The following DPP6 variants were observed in gnomAD, a reference collection of about 807,000 sequenced individuals.
The protein encoded by DPP6 is A-type potassium channel modulatory protein DPP6.
In DPP6, 69 loss-of-function variants were observed where a neutral mutation model predicts 122.6. The ratio of observed to expected loss-of-function variants is 0.56; its 90% CI spans 0.46 to 0.69. DPP6 has a LOEUF of 0.69. DPP6 is among the 30% of genes least tolerant of loss of function. The pLI, the probability that DPP6 is intolerant of heterozygous loss-of-function variation, is 0.00. For missense variants in DPP6, 928 were observed against 1,116.9 expected (o/e 0.83, Z 2.41); for synonymous variants, 418 against 433.1 (o/e 0.97, Z 0.43).
chr7:154,856,130 G>T (rs571171231), intron 17 of DPP6, among the ~76,000 whole-genome samples: 1 of 152,140 alleles, frequency 6.6e-6, no homozygotes, highest in South Asian at 2.1e-4. Flanking sequence ...CTAATCTGTG[G>T]TCTAATAAAA....
intron 1 of DPP6, among the ~76,000 whole-genome samples, chr7:153,945,277 A>G (rs1330514907): frequency 6.6e-6 from 1 of 152,158 alleles, no homozygotes; most frequent in East Asian, 1.9e-4. Context: ...AGACAGGTCC[A>G]TCTCCCTAGT....
intron 5 of DPP6, among the ~76,000 whole-genome samples, chr7:154,634,881 A>C (rs994448275): frequency 3.3e-5 from 5 of 152,210 alleles, no homozygotes; most frequent in Non-Finnish European, 7.3e-5. Context: ...TGTTTTGGGG[A>C]TGGCATAACC....
chr7:153,785,989 ATTTG>A, the DPP6 span, among the ~76,000 whole-genome samples: 5 of 151,590 alleles, frequency 3.3e-5, no homozygotes, highest in Non-Finnish European at 7.4e-5. Flanking sequence ...GTGTTTAAAT[ATTTG>A]TTATTTCAAA....
intron 1 of DPP6, among the ~76,000 whole-genome samples, chr7:154,134,496 A>G (rs1027776534): frequency 3.9e-5 from 6 of 152,046 alleles, no homozygotes; most frequent in African/African-American, 1.4e-4. Flanking sequence ...GGTCTTCCAC[A>G]TGGCTGGGCT....
At chr7:154,404,908 AATTTTTTAGGTTG>A (rs1320009609) in intron 1 of DPP6, among the ~76,000 whole-genome samples, 1 of 152,240 alleles carries the variant, frequency 6.6e-6, no homozygotes, top group East Asian at 1.9e-4. Flanking sequence ...TTATGATAGC[AATTTTTTAGGTTG>A]TAAAAATAGA....
intron 7 of DPP6, among the ~76,000 whole-genome samples, chr7:154,725,573 C>T (rs1842025330): frequency 6.6e-6 from 1 of 152,150 alleles, no homozygotes; most frequent in Non-Finnish European, 1.5e-5. Context: ...ATGATCCATT[C>T]ACCTCCCACC....
At chr7:154,704,037 A>G (rs1280969935) in intron 7 of DPP6, among the ~76,000 whole-genome samples, 1 of 152,266 alleles carries the variant, frequency 6.6e-6, no homozygotes, top group Non-Finnish European at 1.5e-5. Flanking sequence ...GCCTTCTGGA[A>G]AGGATTTATC....
intron 1 of DPP6, among the ~76,000 whole-genome samples, chr7:153,995,170 G>A (rs949116124): frequency 4.6e-5 from 7 of 152,204 alleles, no homozygotes; most frequent in African/African-American, 1.4e-4. Context: ...TAATAGCCAT[G>A]GCAAGGAGGG....
chr7:153,940,783 G>A (rs1257430207), intron 1 of DPP6, among the ~76,000 whole-genome samples: 1 of 152,182 alleles, frequency 6.6e-6, no homozygotes, highest in African/African-American at 2.4e-5. Context: ...TAATCTTCCT[G>A]TCTCTACTCT....
intron 21 of DPP6, chr7:154,883,949 C>G (rs1235052975): frequency 1.7e-5 from 2 of 119,982 alleles, no homozygotes; most frequent in Non-Finnish European, 3.5e-5. Context: ...TACATACACG[C>G]TGACACATGC....
intron 5 of DPP6, among the ~76,000 whole-genome samples, chr7:154,595,138 C>T (rs943793112): frequency 4.6e-5 from 7 of 152,134 alleles, no homozygotes; most frequent in African/African-American, 1.7e-4. Context: ...TGTCTGTGCT[C>T]ACACTGGCTG....
rs115236644 is a variant in DPP6 at position 153,889,426 on chromosome 7, A to G, written c.51+1692A>G. 1.2e-3 allele frequency among the ~76,000 whole-genome samples: 186 copies of G among 152,270 alleles called. 1 individual carries two copies. Among genetic ancestry groups the G allele is most frequent in the Middle Eastern group, 6.8e-3 (2 of 292 alleles). ...CATCATGTGCTAGGGAAACCTGTAT[A>G]TTTAGGGCTGAGGCTGAAGTTAAGG... On this transcript the variant is annotated intron_variant, in intron 1 of 25. Transcript: ENST00000404039.
intron 1 of DPP6, among the ~76,000 whole-genome samples, chr7:154,041,920 A>T (rs1230370242): frequency 1.3e-5 from 2 of 152,028 alleles, no homozygotes; most frequent in Non-Finnish European, 2.9e-5. Context: ...CACCAGGTCC[A>T]GCTAATTTTT....
rs559625195 is a variant in DPP6, at chr7:153,969,513, C to T, written c.51+81779C>T. The stretch of plus-strand genomic sequence containing the variant: ...AGATGCATCATATTTCAGAGATAAA[C>T]TCATTAAATCACATCATATTCCCCA... On this transcript the variant is annotated intron_variant, in intron 1 of 25. Transcript: ENST00000404039. 7.5e-5 allele frequency among the ~76,000 whole-genome samples: 11 copies of T among 147,094 alleles called. No homozygotes were observed. In the South Asian group the frequency reaches 2.1e-3, roughly 28 times the overall value.
chr7:154,473,858 C>T (rs1231508993), intron 2 of DPP6, among the ~76,000 whole-genome samples: 1 of 152,170 alleles, frequency 6.6e-6, no homozygotes, highest in Non-Finnish European at 1.5e-5. Context: ...GGAATGCACA[C>T]AGACATATGC....
intron 1 of DPP6, among the ~76,000 whole-genome samples, chr7:154,198,379 T>G (rs1798984159): frequency 1.3e-5 from 2 of 152,076 alleles, no homozygotes; most frequent in South Asian, 4.1e-4. Flanking sequence ...TGGCGTGATC[T>G]CTACTCACTG....
At chr7:154,178,424 G>A (rs1284574567) in intron 1 of DPP6, among the ~76,000 whole-genome samples, 1 of 149,464 alleles carries the variant, frequency 6.7e-6, no homozygotes, top group African/African-American at 2.5e-5. Flanking sequence ...CCACAAGAAG[G>A]CAGAAAAGTA....
At chr7:154,163,285 CTG>C (rs1417923760) in intron 1 of DPP6, among the ~76,000 whole-genome samples, 1 of 152,020 alleles carries the variant, frequency 6.6e-6, no homozygotes, top group Non-Finnish European at 1.5e-5. Context: ...CACCCAGACT[CTG>C]TGTGTTGCTA....
chr7:154,072,795 TC>T (rs1347694717), intron 1 of DPP6, among the ~76,000 whole-genome samples: 1 of 152,266 alleles, frequency 6.6e-6, no homozygotes, highest in Non-Finnish European at 1.5e-5. Context: ...GGGCTTGATG[TC>T]CCTGGTGGTT....
Sources: gnomAD v4.1 joint callset for allele counts (sites outside exome capture counted in the v4.1 genomes callset) on GRCh38, gnomAD v4.1.1 for gene constraint, MANE v1.5 for transcripts, NCBI Gene and HGNC (gene_info 2026-07-23, HGNC 2026-07-21) for gene names.